Variants in BORA observed in about 807,000 individuals in gnomAD.
BORA encodes the protein protein aurora borealis.
In BORA, 26 loss-of-function variants were observed where a neutral mutation model predicts 55.8. That is an observed-to-expected ratio of 0.47 (90% CI 0.34 to 0.65). The LOEUF is 0.65. Ranked by LOEUF, BORA falls within the 30% of genes least tolerant of loss-of-function variation. The pLI is 0.01. For synonymous variants in BORA, 201 were observed against 216.9 expected (o/e 0.93, Z 0.64); for missense variants, 568 against 671.5 (o/e 0.85, Z 1.70).
chr13:72,744,457 T>C (rs1432170921), intron 6 of BORA, 48 bp from the exon 7 acceptor site: 2 of 1,505,702 alleles, frequency 1.3e-6, no homozygotes, highest in Admixed American at 1.7e-5. Flanking sequence ...TATACTTTCA[T>C]TGATTTATCC....
At chr13:72,752,014 G>T (rs1223463443) in intron 10 of BORA, among the ~76,000 whole-genome samples, 1 of 152,158 alleles carries the variant, frequency 6.6e-6, no homozygotes, top group Non-Finnish European at 1.5e-5. Flanking sequence ...GGGCACAACT[G>T]TTGCCAATTG....
intron 10 of BORA, among the ~76,000 whole-genome samples, chr13:72,751,433 A>G (rs2033271133): frequency 6.6e-6 from 1 of 152,212 alleles, no homozygotes; most frequent in African/African-American, 2.4e-5. Flanking sequence ...AAAATAATGA[A>G]GTCCTTACAT....
intron 1 of BORA, 132 bp downstream of exon 1, chr13:72,728,139 G>A (rs561958202): frequency 2.3e-6 from 3 of 1,289,044 alleles, no homozygotes; most frequent in Admixed American, 2.0e-5. Flanking sequence ...GTGGAAGAGA[G>A]GGGCACCAGA....
In BORA at chr13:72,744,601, C is replaced by A. The variant is rs747970308; in HGVS notation, c.511+40C>A. 9 of 1,478,236 alleles carry A rather than the reference C, an allele frequency of 6.1e-6. No individual in the cohort carries two copies. The African/African-American group carries it at 1.3e-4, about 21-fold the overall frequency. 91.6% of individuals were successfully genotyped at this position (1,478,236 alleles called of 1,614,324 possible). Reference sequence around the variant, plus strand: ...TGTTTAAACTTTTAATAACTTGAACCAAAGGTTTTGTTTGGCTGGCTTTTT... The same window carrying A: ...TGTTTAAACTTTTAATAACTTGAACAAAAGGTTTTGTTTGGCTGGCTTTTT... On this transcript the variant is annotated intron_variant, in intron 7 of 11. Transcript: ENST00000390667.
intron 1 of BORA, among the ~76,000 whole-genome samples, chr13:72,728,612 T>C (rs2032739307): frequency 6.6e-6 from 1 of 152,204 alleles, no homozygotes; most frequent in African/African-American, 2.4e-5. Context: ...TGTTGTAACC[T>C]TTAGTTTCCT....
Position 72,745,134 on chromosome 13 carries a change from C to A in BORA, c.665C>A (p.Thr222Lys). ...SPGSPHSGVQ[T>K]SLEMFYSIDL... ...GGAAGTCCTCACAGTGGTGTTCAAA[C>A]ATCACTAGAGATGTTTTATTCAATA... Residue 222 changes from threonine to lysine, a missense_variant, in exon 8 of 12, where the codon ACA becomes AAA. Coordinates refer to ENST00000390667, the MANE Select transcript of BORA (RefSeq NM_024808.5). The A allele has an allele frequency of 6.2e-7, 1 of 1,614,128 alleles. No individual in the cohort carries two copies. Among genetic ancestry groups the A allele is most frequent in the Non-Finnish European group, 8.5e-7 (1 of 1,179,976 alleles).
chr13:72,738,394 G>A (rs746813268), intron 5 of BORA, among the ~76,000 whole-genome samples: 20 of 152,256 alleles, frequency 1.3e-4, no homozygotes, highest in Non-Finnish European at 2.1e-4. Flanking sequence ...AGATAAAACC[G>A]TAAATTGTGT....
At chr13:72,745,322 C>G in intron 8 of BORA, 115 bp downstream of exon 8, 2 of 843,868 alleles carry the variant, frequency 2.4e-6, no homozygotes, top group Non-Finnish European at 3.7e-6. Flanking sequence ...CTTTCTGTCT[C>G]TAGTAAATAA....
intron 4 of BORA, among the ~76,000 whole-genome samples, chr13:72,735,931 T>G (rs1454284462): frequency 6.6e-6 from 1 of 152,166 alleles, no homozygotes. Context: ...AAGGGTTACT[T>G]ACCTTGTTCT....
At position 72,746,587 on chromosome 13, in the gene BORA, T is replaced by C. The variant is rs955894179; in HGVS notation, c.958T>C (p.Tyr320His). The stretch of plus-strand genomic sequence containing the variant: ...AACTAATCCGTGTATCAGAAGTCCT[T>C]ATATAGATGGCTGCTCGCCAATTAA... ...GITNPCIRSP[Y>H]IDGCSPIKNW... Residue 320 changes from tyrosine (Y) to histidine (H), a missense_variant, in exon 10 of 12, where the codon TAT becomes CAT. Tyr to His is a moderately conservative substitution (Grantham distance 83). Coordinates refer to ENST00000390667, the MANE Select transcript of BORA (RefSeq NM_024808.5). 1.2e-6 allele frequency: 2 copies of C among 1,613,976 alleles called. No homozygotes were observed. The highest frequency in any genetic ancestry group is 1.7e-5 in the Admixed American group (1 of 59,994).
chr13:72,742,791 C>T (rs1192283719), intron 5 of BORA, among the ~76,000 whole-genome samples: 50 of 149,514 alleles, frequency 3.3e-4, no homozygotes, highest in African/African-American at 1.2e-3. Context: ...CACACACACA[C>T]ACACACACAC....
At chr13:72,728,396 C>T (rs968428871) in intron 1 of BORA, 9 of 595,914 alleles carry the variant, frequency 1.5e-5, no homozygotes, top group Non-Finnish European at 2.4e-5. Flanking sequence ...TTCCTAGCCC[C>T]TGTCAATCAT....
Position 72,747,045 on chromosome 13 carries a change from C to T in BORA, c.1416C>T (p.Asn472=). 2 of 1,614,070 alleles carry T rather than the reference C, an allele frequency of 1.2e-6. No homozygotes were observed. Among genetic ancestry groups the T allele is most frequent in the Non-Finnish European group, 8.5e-7 (1 of 1,179,964 alleles). The change falls in exon 10 of 12, where the codon AAC becomes AAT. Residue 472 remains asparagine, a synonymous_variant. Transcript: ENST00000390667. ...FVSGIAFSIE[N]SHMCMSPLAE... ...GTGGCATTGCCTTCAGTATTGAAAA[C>T]TCTCATATGTGCATGTCACCTCTTG...
intron 4 of BORA, among the ~76,000 whole-genome samples, chr13:72,737,337 T>C (rs766943037): frequency 1.2e-4 from 18 of 152,172 alleles, no homozygotes; most frequent in Admixed American, 1.0e-3. Flanking sequence ...AAAGGAAGAA[T>C]AGTGGCACAC....
At chr13:72,754,621 C>T (rs1197252012) in intron 11 of BORA, 1 of 152,286 alleles carries the variant, frequency 6.6e-6, no homozygotes, top group African/African-American at 2.4e-5. Flanking sequence ...GAGCAGGTCT[C>T]TTCTAATATT....
At chr13:72,734,819 C>A (rs1218544753) in intron 3 of BORA, 141 bp from the exon 4 acceptor site, 2 of 579,568 alleles carry the variant, frequency 3.5e-6, no homozygotes, top group African/African-American at 3.8e-5. Flanking sequence ...TTACAAGATA[C>A]CACTAGTATT....
intron 5 of BORA, among the ~76,000 whole-genome samples, chr13:72,742,808 ACAC>A (rs2033063219): frequency 4.0e-5 from 5 of 126,174 alleles, no homozygotes; most frequent in African/African-American, 9.1e-5. Context: ...ACACACACAC[ACAC>A]AAAATGGAAT....
chr13:72,733,570 G>A (rs1177524466), intron 3 of BORA, among the ~76,000 whole-genome samples: 1 of 152,154 alleles, frequency 6.6e-6, no homozygotes, highest in East Asian at 1.9e-4. Flanking sequence ...GTAGCAAAAG[G>A]TTTCTGAATG....
intron 4 of BORA, among the ~76,000 whole-genome samples, chr13:72,736,814 A>G (rs144982481): frequency 5.7e-4 from 87 of 152,020 alleles, no homozygotes; most frequent in African/African-American, 1.8e-3. Flanking sequence ...CATATCTCCA[A>G]TATTGATTAT....
Sources: gnomAD v4.1 joint callset for allele counts (sites outside exome capture counted in the v4.1 genomes callset) on GRCh38, gnomAD v4.1.1 for gene constraint, MANE v1.5 for transcripts, NCBI Gene and HGNC (gene_info 2026-07-23, HGNC 2026-07-21) for gene names.